The following CLCNKB variants were observed in gnomAD, a reference collection of about 807,000 sequenced individuals.
CLCNKB encodes chloride channel protein ClC-Kb.
A neutral mutation model predicts 83.8 loss-of-function variants in CLCNKB; 74 were observed. The ratio of observed to expected loss-of-function variants is 0.88; its 90% CI spans 0.73 to 1.07. CLCNKB has a LOEUF of 1.07. CLCNKB is among the 50% of genes least tolerant of loss of function. The pLI, the probability that CLCNKB is intolerant of heterozygous loss-of-function variation, is 0.00. For synonymous variants in CLCNKB, 358 were observed against 356.6 expected, an observed-to-expected ratio of 1.00 and a Z score of -0.04; for missense variants, 798 against 893.6, an observed-to-expected ratio of 0.89 and a Z score of 1.36.
Position 16,048,542 on chromosome 1 carries a change from G to T in CLCNKB, c.615G>T (p.Ala205=), listed in dbSNP as rs142452354. The change falls in exon 7 of 20, where the codon GCG becomes GCT. Residue 205 remains alanine (A), a synonymous_variant. Coordinates refer to ENST00000375679, the MANE Select transcript of CLCNKB (RefSeq NM_000085.5). ...AAAACGAAATGCTGGTGGCAGCGGCGGCAGTGGGCGTGGCCACAGTCTTTG... is the reference window on the plus strand; with the variant it reads ...AAAACGAAATGCTGGTGGCAGCGGCTGCAGTGGGCGTGGCCACAGTCTTTG... ...SKQNEMLVAA[A]AVGVATVFAA... is the part of the protein sequence containing the mutation. 607 of 1,613,104 alleles carry T rather than the reference G, an allele frequency of 3.8e-4. No individual in the cohort carries two copies. The highest frequency in any genetic ancestry group is 4.6e-4 in the Non-Finnish European group (541 of 1,179,684).
At chr1:16,055,269 C>G (rs2023403455) in intron 16 of CLCNKB, among the ~76,000 whole-genome samples, 166 bp from the exon 17 acceptor site, 1 of 152,192 alleles carries the variant, frequency 6.6e-6, no homozygotes, top group Non-Finnish European at 1.5e-5. Context: ...CAATTAGCCT[C>G]TCTGTGCCTC....
intron 10 of CLCNKB, 56 bp from the exon 11 acceptor site, chr1:16,050,460 C>T (rs1431106137): frequency 1.9e-6 from 3 of 1,578,870 alleles, no homozygotes; most frequent in Admixed American, 1.7e-5. Flanking sequence ...CTGCTTCCCT[C>T]TCCTTGGGAT....
chr1:16,048,853 G>C (rs976930301), intron 7 of CLCNKB: 1 of 1,440,934 alleles, frequency 6.9e-7, no homozygotes. Context: ...CTCTGAGCCC[G>C]GCTTCCTCCT....
chr1:16,046,421 C>T (rs1425753457), intron 3 of CLCNKB, 114 bp from the exon 4 acceptor site: 3 of 1,444,520 alleles, frequency 2.1e-6, no homozygotes, highest in Non-Finnish European at 2.8e-6. Flanking sequence ...ACTGTGTGGC[C>T]TGGTCCTCCC....
rs2023176861 is a variant in CLCNKB, at chr1:16,048,596, A to AT, written c.655+15dup. The AT allele has an allele frequency of 6.2e-7, 1 of 1,612,668 alleles. No homozygotes were observed. The highest frequency in any genetic ancestry group is 1.3e-5 in the African/African-American group (1 of 74,768). ...CTCCCTTCAGCGGTGAGACCCCTTC[A>AT]TGCCCCGCCCCCTGGGTCCCTCAAG... On this transcript the variant is annotated intron_variant, in intron 7 of 19. Transcript: ENST00000375679.
intron 16 of CLCNKB, among the ~76,000 whole-genome samples, chr1:16,053,978 T>A (rs1203411389): frequency 6.6e-6 from 1 of 152,120 alleles, no homozygotes; most frequent in Non-Finnish European, 1.5e-5. Context: ...GTGGTTGACA[T>A]GTCTAAAGAG....
chr1:16,055,393 C>T (rs1204301239), intron 16 of CLCNKB, 42 bp from the exon 17 acceptor site: 2 of 1,523,958 alleles, frequency 1.3e-6, no homozygotes, highest in African/African-American at 2.7e-5. Context: ...GTCCCTGTTT[C>T]CTCCTAATGT....
intron 9 of CLCNKB, 37 bp from the exon 10 acceptor site, chr1:16,049,778 G>T (rs767910763): frequency 6.2e-7 from 1 of 1,613,660 alleles, no homozygotes; most frequent in East Asian, 2.2e-5. Flanking sequence ...CCTGGTACTG[G>T]GGTCGGGCTC....
intron 2 of CLCNKB, 72 bp from the exon 3 acceptor site, chr1:16,045,486 G>A: frequency 6.3e-7 from 1 of 1,582,512 alleles, no homozygotes; most frequent in Non-Finnish European, 8.6e-7. Context: ...CTGAAGCCCA[G>A]CAGGCCTCCA....
rs1253888287 is a variant in CLCNKB, at chr1:16,048,886, G to T, written c.656-234G>T. On this transcript the variant is annotated intron_variant, in intron 7 of 19. Coordinates refer to ENST00000375679, the MANE Select transcript of CLCNKB (RefSeq NM_000085.5). ...CCTCTACAAAATGGAGATCGCAACC[G>T]TCCCCACCCGATAGCGAGAGGGCGC... 5.9e-5 allele frequency: 85 copies of T among 1,445,144 alleles called. 1 individual carries two copies. In the Middle Eastern group the frequency reaches 1.5e-3, roughly 26 times the overall value. 89.5% of individuals were successfully genotyped at this position (1,445,144 alleles called of 1,614,324 possible). A position where few individuals can be genotyped will look rare whatever the true frequency, so the allele number is the denominator to read the frequency against.
intron 7 of CLCNKB, 180 bp downstream of exon 7, chr1:16,048,762 A>T: frequency 6.8e-7 from 1 of 1,471,622 alleles, no homozygotes; most frequent in Non-Finnish European, 9.0e-7. Context: ...GGGTGACTTG[A>T]TTGGCGGTGC....
chr1:16,044,542 CTCTGCAGGA>C lies in CLCNKB; in HGVS notation c.51_59del (p.Gln19_Leu21del). On this transcript the variant is annotated inframe_deletion, in exon 2 of 20. Transcript: ENST00000375679. ...GAAGGCTCCTCAGGGAACCCTGTGA[CTCTGCAGGA>C]GCTGTGGGGCCCCTGTCCCCGCATC... 6.2e-7 allele frequency: 1 copy of C among 1,607,284 alleles called. No individual in the cohort carries two copies. Among genetic ancestry groups the C allele is most frequent in the Non-Finnish European group, 8.5e-7 (1 of 1,177,642 alleles).
intron 14 of CLCNKB, 147 bp downstream of exon 14, chr1:16,051,967 G>A (rs1183111667): frequency 1.2e-6 from 1 of 847,966 alleles, no homozygotes. Context: ...TCCCTCCTGA[G>A]CCCCACCATT....
rs2023200794 is a variant in CLCNKB at position 16,049,161 on chromosome 1, G to A, written c.697G>A (p.Val233Ile). 1 of 1,613,514 alleles carries A rather than the reference G, an allele frequency of 6.2e-7. No homozygotes were observed. The highest frequency in any genetic ancestry group is 8.5e-7 in the Non-Finnish European group (1 of 1,180,004). Residue 233 changes from valine to isoleucine, a missense_variant, in exon 8 of 20, where the codon GTC becomes ATC. By Grantham distance (29) the Val-to-Ile change is conservative (BLOSUM62 3). Transcript: ENST00000375679. ...CGAGGTCATGTCTTCCCACTTCTCT[G>A]TCTGGGATTACTGGAGGGGCTTCTT... ...SIEVMSSHFS[V>I]WDYWRGFFAA...
At chr1:16,051,684 C>A (rs762954978) in intron 13 of CLCNKB, 26 bp from the exon 14 acceptor site, 22 of 1,608,752 alleles carry the variant, frequency 1.4e-5, no homozygotes, top group East Asian at 2.2e-5. Flanking sequence ...CAGCCTGGCT[C>A]CCCCTCACCC....
Position 16,051,833 on chromosome 1 carries a change from G to C in CLCNKB, c.1408+13G>C, listed in dbSNP as rs375029488. 3.1e-6 allele frequency: 5 copies of C among 1,596,968 alleles called. No homozygotes were observed. The South Asian group carries it at 3.3e-5, about 11-fold the overall frequency. On this transcript the variant is annotated intron_variant, in intron 14 of 19. Transcript: ENST00000375679. ...TATGCTCTGGCAGGTGAGTGGGTCA[G>C]GGGCCTGCTGCGTGGGCAATGTCGT...
In CLCNKB at chr1:16,051,519, C is replaced by T. The variant is rs371922670; in HGVS notation, c.1269C>T (p.Ala423=). 2.5e-5 allele frequency: 40 copies of T among 1,614,016 alleles called. No individual in the cohort carries two copies. The highest frequency in any genetic ancestry group is 1.5e-4 in the African/African-American group (11 of 74,906). ...TGGCCACCACCATCCCCATGCCTGC[C>T]GGGTACTTCATGCCCATCTTTGTCT... The part of the protein sequence containing the change: ...LILATTIPMP[A]GYFMPIFVYG... Residue 423 remains alanine (A), a synonymous_variant, in exon 13 of 20, where the codon GCC becomes GCT. Transcript: ENST00000375679.
At chr1:16,047,322 G>C (rs1033251135) in intron 4 of CLCNKB, among the ~76,000 whole-genome samples, 1 of 152,122 alleles carries the variant, frequency 6.6e-6, no homozygotes, top group Admixed American at 6.5e-5. Flanking sequence ...GCATGTGCCC[G>C]TGGTCCGAGC....
chr1:16,047,882 T>C, intron 4 of CLCNKB, 23 bp from the exon 5 acceptor site: 1 of 1,612,870 alleles, frequency 6.2e-7, no homozygotes, highest in Non-Finnish European at 8.5e-7. Flanking sequence ...GTCCCCCTCC[T>C]GGCCCTGCCC....
Sources: gnomAD v4.1 joint callset for allele counts (sites outside exome capture counted in the v4.1 genomes callset) on GRCh38, gnomAD v4.1.1 for gene constraint, MANE v1.5 for transcripts, NCBI Gene and HGNC (gene_info 2026-07-23, HGNC 2026-07-21) for gene names.